Variants in ANXA6 observed in about 807,000 individuals in gnomAD.
ANXA6 encodes the protein annexin A6, also known as 67 kDa calelectrin.
In ANXA6, 71 loss-of-function variants were observed where a neutral mutation model predicts 95.4. The observed-to-expected ratio is 0.74, with a 90% confidence interval of 0.61 to 0.91. ANXA6 has a LOEUF of 0.91. Ranked by LOEUF, ANXA6 falls within the 40% of genes least tolerant of loss-of-function variation. The pLI is 0.00. For missense variants in ANXA6, 830 were observed against 876.4 expected (o/e 0.95, Z 0.67); for synonymous variants, 289 against 315.9 (o/e 0.91, Z 0.90).
intron 23 of ANXA6, among the ~76,000 whole-genome samples, chr5:151,107,863 T>C (rs930502124): frequency 5.3e-5 from 8 of 152,146 alleles, no homozygotes; most frequent in African/African-American, 1.9e-4. Context: ...GTGTGTGTCA[T>C]CTGCATCTAG....
At chr5:151,147,978 C>A in intron 1 of ANXA6, 52 bp from the exon 2 acceptor site, 1 of 1,502,976 alleles carries the variant, frequency 6.7e-7, no homozygotes, top group Non-Finnish European at 9.1e-7. Context: ...TAACCATCCC[C>A]TTTCTTTCCC....
At chr5:151,149,943 C>A (rs140702414) in intron 1 of ANXA6, among the ~76,000 whole-genome samples, 1 of 151,918 alleles carries the variant, frequency 6.6e-6, no homozygotes, top group African/African-American at 2.4e-5. Context: ...ACATGCGAAA[C>A]CCCGTCTCTA....
rs146210933 is a variant in ANXA6, at chr5:151,137,999, A to G, written c.319-678T>C. ...TCATCTGTAAAATGTAGATGATATTAGTTGCTCTGCCAAACTCACAGGGAG... is the reference window on the plus strand; with the variant it reads ...TCATCTGTAAAATGTAGATGATATTGGTTGCTCTGCCAAACTCACAGGGAG... On this transcript the variant is annotated intron_variant, in intron 5 of 25. Coordinates refer to ENST00000354546, the MANE Select transcript of ANXA6 (RefSeq NM_001155.5). Among the ~76,000 whole-genome samples the G allele has an allele frequency of 4.7e-4, 72 of 152,326 alleles. No individual in the cohort carries two copies. The East Asian group carries it at 0.013, about 28-fold the overall frequency.
intron 2 of ANXA6, among the ~76,000 whole-genome samples, chr5:151,141,128 G>A (rs2113947969): frequency 1.3e-5 from 2 of 152,354 alleles, no homozygotes; most frequent in South Asian, 2.1e-4. Flanking sequence ...CATCGAACCT[G>A]AACCTGAATG....
chr5:151,115,499 C>T (rs1012911347), intron 20 of ANXA6, among the ~76,000 whole-genome samples: 3 of 145,276 alleles, frequency 2.1e-5, no homozygotes, highest in Non-Finnish European at 3.0e-5. Context: ...CCCCTGCTAG[C>T]GGCAATTGGA....
chr5:151,126,366 G>A, intron 14 of ANXA6, 36 bp downstream of exon 14: 3 of 1,563,332 alleles, frequency 1.9e-6, no homozygotes, highest in Non-Finnish European at 2.6e-6. Context: ...AGAAGCTGTG[G>A]TCAAGAGGTC....
At chr5:151,154,358 A>G (rs1483473445) in intron 1 of ANXA6, among the ~76,000 whole-genome samples, 2 of 151,100 alleles carry the variant, frequency 1.3e-5, no homozygotes, top group Non-Finnish European at 2.9e-5. Flanking sequence ...CCCATAACCA[A>G]AGAAAAATTG....
intron 13 of ANXA6, among the ~76,000 whole-genome samples, chr5:151,127,853 G>A (rs560597693): frequency 9.8e-5 from 15 of 152,286 alleles, no homozygotes; most frequent in African/African-American, 3.6e-4. Flanking sequence ...AACAGGTGAT[G>A]AAACCGAGAA....
Position 151,110,648 on chromosome 5 carries a change from A to C in ANXA6, c.1573-4T>G, listed in dbSNP as rs1447525188. The C allele has an allele frequency of 6.2e-7, 1 of 1,613,210 alleles. No individual in the cohort carries two copies. Among genetic ancestry groups the C allele is most frequent in the Admixed American group, 1.7e-5 (1 of 59,974 alleles). On this transcript the variant is annotated splice_region_variant and splice_polypyrimidine_tract_variant and intron_variant, in intron 20 of 25. Transcript: ENST00000354546. Reference sequence around the variant, plus strand: ...TCACCAAGATCTCAGCAGCCACCTGAGAGCAGGGAGGGGAGAGAGGAGGGA... The same window carrying C: ...TCACCAAGATCTCAGCAGCCACCTGCGAGCAGGGAGGGGAGAGAGGAGGGA...
intron 20 of ANXA6, among the ~76,000 whole-genome samples, chr5:151,114,645 A>AAAAAAAAAAAAAAAAT (rs1764945581): frequency 7.4e-6 from 1 of 135,114 alleles, no homozygotes; most frequent in East Asian, 2.3e-4. Flanking sequence ...AAAAAAAAAA[A>AAAAAAAAAAAAAAAAT]GTCTGAGTAT....
intron 22 of ANXA6, among the ~76,000 whole-genome samples, chr5:151,109,475 C>A (rs984292915): frequency 1.9e-4 from 29 of 152,302 alleles, no homozygotes; most frequent in Non-Finnish European, 3.5e-4. Context: ...GCAGCTACTA[C>A]CAATCAGAGT....
chr5:151,119,238 G>A, intron 18 of ANXA6, 62 bp downstream of exon 18: 1 of 1,365,300 alleles, frequency 7.3e-7, no homozygotes, highest in Non-Finnish European at 1.0e-6. Context: ...TGTGGGCTGG[G>A]GTTGGAAGTT....
rs1356313675 is a variant in ANXA6, at chr5:151,105,319, G to C, written c.1781-16C>G. The stretch of plus-strand genomic sequence containing the variant: ...ACACTTTGAACTGGTAGGAAGAGCA[G>C]AGAGATGCGGGGAACGTGGTCAGAG... On this transcript the variant is annotated splice_polypyrimidine_tract_variant and intron_variant, in intron 23 of 25. Coordinates refer to ENST00000354546, the MANE Select transcript of ANXA6 (RefSeq NM_001155.5). 1 of 1,613,636 alleles carries C rather than the reference G, an allele frequency of 6.2e-7. No individual in the cohort carries two copies. Among genetic ancestry groups the C allele is most frequent in the Non-Finnish European group, 8.5e-7 (1 of 1,179,560 alleles).
At chr5:151,156,433 G>T (rs1019207850) in intron 1 of ANXA6, among the ~76,000 whole-genome samples, 2 of 152,346 alleles carry the variant, frequency 1.3e-5, no homozygotes, top group Admixed American at 1.3e-4. Context: ...GGAGGTCAGG[G>T]TCCACAGGGG....
chr5:151,112,756 G>A (rs1198907321), intron 20 of ANXA6, among the ~76,000 whole-genome samples: 2 of 152,166 alleles, frequency 1.3e-5, no homozygotes, highest in Non-Finnish European at 2.9e-5. Flanking sequence ...CCTAGAAGGT[G>A]GAGGTTGCAG....
At chr5:151,134,887 CA>C (rs765473131) in intron 7 of ANXA6, among the ~76,000 whole-genome samples, 9 of 152,210 alleles carry the variant, frequency 5.9e-5, no homozygotes, top group Non-Finnish European at 1.0e-4. Flanking sequence ...AGGATCTGAA[CA>C]TTTGCATTCT....
At chr5:151,139,687 C>T (rs540418648) in intron 3 of ANXA6, among the ~76,000 whole-genome samples, 1 of 152,212 alleles carries the variant, frequency 6.6e-6, no homozygotes, top group African/African-American at 2.4e-5. Context: ...CTCCTCACTG[C>T]ACAAATCAGG....
intron 7 of ANXA6, 48 bp downstream of exon 7, chr5:151,136,208 C>T (rs1561580445): frequency 6.3e-7 from 1 of 1,593,048 alleles, no homozygotes; most frequent in Admixed American, 1.7e-5. Context: ...ATGAGCCAGA[C>T]AAAAGCTATC....
At chr5:151,141,261 C>G (rs992777167) in intron 2 of ANXA6, among the ~76,000 whole-genome samples, 6 of 152,178 alleles carry the variant, frequency 3.9e-5, no homozygotes, top group Admixed American at 3.9e-4. Flanking sequence ...TGTCACCGAG[C>G]ACACAGCACA....
Sources: gnomAD v4.1 joint callset for allele counts (sites outside exome capture counted in the v4.1 genomes callset) on GRCh38, gnomAD v4.1.1 for gene constraint, MANE v1.5 for transcripts, NCBI Gene and HGNC (gene_info 2026-07-23, HGNC 2026-07-21) for gene names.